ADGRL2: variants seen among roughly 807,000 people sequenced by gnomAD.
The protein encoded by ADGRL2 is calcium-independent alpha-latrotoxin receptor 2.
In ADGRL2, 44 loss-of-function variants were observed where a neutral mutation model predicts 157.4. That is an observed-to-expected ratio of 0.28 (90% confidence interval 0.22 to 0.36). The LOEUF is 0.36. ADGRL2 is among the 10% of genes least tolerant of loss of function. The pLI, the probability that ADGRL2 is intolerant of heterozygous loss-of-function variation, is 1.00. For missense variants in ADGRL2, 1,510 were observed against 1,768.9 expected (o/e 0.85, Z 2.63); for synonymous variants, 585 against 624.7 (o/e 0.94, Z 0.95).
chr1:81,970,263 T>G (rs1440594994), intron 15 of ADGRL2, 51 bp from the exon 16 acceptor site: 1 of 1,226,662 alleles, frequency 8.2e-7, no homozygotes, highest in African/African-American at 1.5e-5. Context: ...TGGAGTGGGC[T>G]ATTTTTATTC....
In ADGRL2 at chr1:81,692,110, C is replaced by T. The variant is rs567162262; in HGVS notation, c.-142-69701C>T. 3.4e-4 allele frequency among the ~76,000 whole-genome samples: 52 copies of T among 151,562 alleles called. No individual in the cohort carries two copies. The South Asian group carries it at 0.011, about 31-fold the overall frequency. ...AATTTTTCCTCAGTATATATATGTG[C>T]ATAAAATCAAATTAGGCCGGGTGTG... On this transcript the variant is annotated intron_variant, in intron 3 of 24. Transcript: ENST00000370721.
intron 1 of ADGRL2, among the ~76,000 whole-genome samples, chr1:81,376,071 GGCATGGGC>G (rs1173550786): frequency 1.3e-5 from 2 of 152,144 alleles, no homozygotes; most frequent in African/African-American, 4.8e-5. Context: ...TGCCACTCCT[GGCATGGGC>G]GCTGTTGGCT....
intron 1 of ADGRL2, among the ~76,000 whole-genome samples, chr1:81,332,604 T>G (rs1390483537): frequency 6.6e-6 from 1 of 152,188 alleles, no homozygotes; most frequent in Non-Finnish European, 1.5e-5. Flanking sequence ...CCTGAATGAT[T>G]ACATGGCCTT....
At chr1:81,453,290 T>C (rs867216361) in intron 2 of ADGRL2, among the ~76,000 whole-genome samples, 6 of 152,172 alleles carry the variant, frequency 3.9e-5, no homozygotes, top group Admixed American at 6.5e-5. Flanking sequence ...AAACTAATCA[T>C]TGTTTCATTT....
intron 17 of ADGRL2, among the ~76,000 whole-genome samples, chr1:81,977,916 G>A (rs930883930): frequency 6.6e-6 from 1 of 151,566 alleles, no homozygotes; most frequent in African/African-American, 2.4e-5. Flanking sequence ...CAATTTAAAG[G>A]ATTTTAATTG....
At chr1:81,769,504 T>C (rs1356605201) in intron 2 of ADGRL2, among the ~76,000 whole-genome samples, 3 of 152,054 alleles carry the variant, frequency 2.0e-5, no homozygotes, top group African/African-American at 7.2e-5. Context: ...TCCAAATATA[T>C]AACCTAATTT....
intron 3 of ADGRL2, among the ~76,000 whole-genome samples, chr1:81,619,194 G>C (rs532811373): frequency 6.6e-6 from 1 of 151,864 alleles, no homozygotes; most frequent in African/African-American, 2.4e-5. Flanking sequence ...TCAGCACCTT[G>C]ATATACATGC....
At chr1:81,752,401 C>T (rs527416365) in intron 1 of ADGRL2, among the ~76,000 whole-genome samples, 7 of 152,262 alleles carry the variant, frequency 4.6e-5, no homozygotes, top group East Asian at 3.9e-4. Flanking sequence ...AGAGGGCTCT[C>T]GCCATCTCCA....
chr1:81,976,342 A>C (rs989596872), intron 17 of ADGRL2, among the ~76,000 whole-genome samples: 1 of 151,860 alleles, frequency 6.6e-6, no homozygotes, highest in Non-Finnish European at 1.5e-5. Context: ...CCATTGCCTC[A>C]TTATTTGTAT....
At chr1:81,851,115 A>C (rs2092990666) in intron 2 of ADGRL2, among the ~76,000 whole-genome samples, 1 of 151,986 alleles carries the variant, frequency 6.6e-6, no homozygotes, top group Non-Finnish European at 1.5e-5. Context: ...TCTTGCAGGA[A>C]TTCAGCCCTT....
intron 1 of ADGRL2, among the ~76,000 whole-genome samples, chr1:81,384,921 G>A (rs1270798252): frequency 1.3e-5 from 2 of 152,224 alleles, no homozygotes; most frequent in East Asian, 3.9e-4. Flanking sequence ...TCTATTGATT[G>A]TTAATGCTTA....
At chr1:81,545,543 G>T (rs1434632227) in intron 2 of ADGRL2, among the ~76,000 whole-genome samples, 1 of 152,202 alleles carries the variant, frequency 6.6e-6, no homozygotes, top group East Asian at 1.9e-4. Context: ...GCCTCCCAAA[G>T]TGCTGGGGTT....
intron 2 of ADGRL2, among the ~76,000 whole-genome samples, chr1:81,777,075 A>T (rs2086617173): frequency 6.6e-6 from 1 of 152,178 alleles, no homozygotes; most frequent in Non-Finnish European, 1.5e-5. Context: ...CTCTCACATG[A>T]AATAGTTTTA....
intron 1 of ADGRL2, among the ~76,000 whole-genome samples, chr1:81,389,667 T>G (rs893237325): frequency 1.3e-5 from 2 of 152,178 alleles, no homozygotes; most frequent in African/African-American, 2.4e-5. Context: ...GGGAAAGTCA[T>G]CTAACCTATT....
intron 2 of ADGRL2, among the ~76,000 whole-genome samples, chr1:81,539,517 C>T (rs2079830876): frequency 6.6e-6 from 1 of 152,176 alleles, no homozygotes; most frequent in African/African-American, 2.4e-5. Flanking sequence ...TGATGCTGCA[C>T]ATTCTAGTCT....
intron 2 of ADGRL2, among the ~76,000 whole-genome samples, chr1:81,851,955 C>T (rs143270470): frequency 6.6e-6 from 1 of 151,936 alleles, no homozygotes; most frequent in Non-Finnish European, 1.5e-5. Context: ...AAGAGGAAAG[C>T]ATCTGACTTA....
At chr1:81,368,347 A>G (rs1287658761) in intron 1 of ADGRL2, among the ~76,000 whole-genome samples, 2 of 152,138 alleles carry the variant, frequency 1.3e-5, no homozygotes, top group Non-Finnish European at 2.9e-5. Context: ...GTGTCTGTTC[A>G]TGTACCAGGC....
At chr1:81,548,064 T>C (rs2080061364) in intron 2 of ADGRL2, among the ~76,000 whole-genome samples, 2 of 152,282 alleles carry the variant, frequency 1.3e-5, no homozygotes, top group South Asian at 4.1e-4. Flanking sequence ...GTTCTTTCTC[T>C]TACCCACTGC....
intron 1 of ADGRL2, among the ~76,000 whole-genome samples, chr1:81,754,553 TTCTC>T (rs200040605): frequency 7.2e-5 from 10 of 138,330 alleles, no homozygotes; most frequent in South Asian, 4.9e-4. Context: ...CCTTCTTTCT[TTCTC>T]TCTTTCTTTC....
Sources: allele counts gnomAD v4.1 joint callset (sites outside exome capture counted in the v4.1 genomes callset), GRCh38; gene constraint gnomAD v4.1.1; transcripts MANE v1.5; gene names NCBI Gene and HGNC (gene_info 2026-07-23, HGNC 2026-07-21).